The following DIS3L variants were observed in gnomAD, a reference collection of about 807,000 sequenced individuals.
The protein encoded by DIS3L is DIS3 like exosome 3'-5' exoribonuclease.
Under a neutral mutation model 120.3 loss-of-function variants are expected in DIS3L, and 100 were observed. That is an observed-to-expected ratio of 0.83 (90% confidence interval 0.71 to 0.98). The LOEUF (loss-of-function observed/expected upper bound fraction) is 0.98, where lower values mean the gene tolerates loss of function less well. Among genes scored for constraint, DIS3L ranks in the 50% least tolerant of loss-of-function variants. The pLI, the probability that DIS3L is intolerant of heterozygous loss-of-function variation, is 0.00. For missense variants in DIS3L, 1,196 were observed against 1,314.2 expected (o/e 0.91, Z 1.39); for synonymous variants, 426 against 470.6 (o/e 0.91, Z 1.23).
chr15:66,330,625 T>C (rs1000574112), intron 14 of DIS3L: 2 of 786,280 alleles, frequency 2.5e-6, no homozygotes, highest in Non-Finnish European at 3.1e-6. Flanking sequence ...GGCCAGTGTC[T>C]CAGTCACACT....
In DIS3L at chr15:66,295,156, T is replaced by G. The variant is rs1278269793; in HGVS notation, c.293+15T>G. On this transcript the variant is annotated intron_variant, in intron 2 of 16. Transcript: ENST00000319212. ...AGAGGCAGGAGGTATACGTTTTGCA[T>G]TCTTTATTTCTATATGGCATAGGTT... The G allele has an allele frequency of 6.2e-7, 1 of 1,609,790 alleles. No homozygotes were observed. Among genetic ancestry groups the G allele is most frequent in the South Asian group, 1.1e-5 (1 of 90,798 alleles).
chr15:66,306,461 T>C (rs761078548), intron 2 of DIS3L, among the ~76,000 whole-genome samples: 6 of 152,226 alleles, frequency 3.9e-5, no homozygotes, highest in Non-Finnish European at 7.3e-5. Context: ...AATAAAGTGC[T>C]AAACTCTCTG....
chr15:66,327,869 T>C (rs968945456), intron 12 of DIS3L, among the ~76,000 whole-genome samples: 4 of 152,162 alleles, frequency 2.6e-5, no homozygotes, highest in Non-Finnish European at 5.9e-5. Context: ...AAGACCAGCC[T>C]TGCCAACATG....
intron 14 of DIS3L, among the ~76,000 whole-genome samples, chr15:66,331,090 G>A (rs1395414516): frequency 1.3e-5 from 2 of 152,224 alleles, no homozygotes; most frequent in East Asian, 3.9e-4. Context: ...GGGAGGCAGA[G>A]GTTGCAGGGA....
intron 6 of DIS3L, among the ~76,000 whole-genome samples, chr15:66,314,615 T>C (rs895395791): frequency 1.1e-4 from 17 of 152,222 alleles, no homozygotes; most frequent in African/African-American, 4.1e-4. Context: ...ACTGGCTTTC[T>C]TCGGGCCCTT....
chr15:66,294,185 C>G, intron 1 of DIS3L: 1 of 985,512 alleles, frequency 1.0e-6, no homozygotes, highest in East Asian at 1.1e-4. Context: ...GTTTCCTGAC[C>G]TGCCCGCACT....
At chr15:66,294,128 C>T in intron 1 of DIS3L, 1 of 985,658 alleles carries the variant, frequency 1.0e-6, no homozygotes, top group Non-Finnish European at 1.2e-6. Context: ...AGCTACAGGC[C>T]AGCTGCTGCC....
chr15:66,329,387 C>A lies in DIS3L; in HGVS notation c.2523C>A (p.Asn841Lys), dbSNP rs368739787. The A allele has an allele frequency of 6.3e-7, 1 of 1,598,402 alleles. No homozygotes were observed. The highest frequency in any genetic ancestry group is 1.7e-4 in the Middle Eastern group (1 of 5,954). Residue 841 changes from asparagine to lysine, a missense_variant, in exon 14 of 17, where the codon AAC becomes AAA. Transcript: ENST00000319212. Reference sequence around the variant, plus strand: ...TTGAGGAATTATGCAGACATATCAACAACAGAAACCAAGTAAGAGGGAATT... The same window carrying A: ...TTGAGGAATTATGCAGACATATCAAAAACAGAAACCAAGTAAGAGGGAATT... Reference protein sequence around the residue: ...KDLEELCRHINNRNQAAQHSQ... With the variant: ...KDLEELCRHIKNRNQAAQHSQ...
intron 16 of DIS3L, 22 bp from the exon 17 acceptor site, chr15:66,332,982 T>C (rs766033125): frequency 5.6e-6 from 9 of 1,594,738 alleles, no homozygotes; most frequent in African/African-American, 1.4e-5. Flanking sequence ...TTTAGTAATA[T>C]GTATTTTCTT....
At chr15:66,315,664 A>C (rs1211405923) in intron 7 of DIS3L, among the ~76,000 whole-genome samples, 1 of 152,194 alleles carries the variant, frequency 6.6e-6, no homozygotes, top group African/African-American at 2.4e-5. Flanking sequence ...CTTCCATCTT[A>C]AAATCAAACC....
At chr15:66,294,851 A>G (rs2092568176) in intron 1 of DIS3L, 137 bp from the exon 2 acceptor site, 1 of 925,502 alleles carries the variant, frequency 1.1e-6, no homozygotes. Flanking sequence ...GCCTCTACCA[A>G]AGTAGATTTG....
chr15:66,332,760 T>C lies in DIS3L; in HGVS notation c.2706T>C (p.Tyr902=). ...GGTTTGGGATTAAAGGTGCTGCTTATCTAAAAAATAAAGATGGTTTAGTCA... is the reference window on the plus strand; with the variant it reads ...GGTTTGGGATTAAAGGTGCTGCTTACCTAAAAAATAAAGATGGTTTAGTCA... ...IPRFGIKGAA[Y]LKNKDGLVIS... is the part of the protein sequence containing the mutation. Residue 902 remains tyrosine (Y), a synonymous_variant, in exon 16 of 17, where the codon TAT becomes TAC. Coordinates refer to ENST00000319212, the MANE Select transcript of DIS3L (RefSeq NM_001143688.3). 1 of 1,613,038 alleles carries C rather than the reference T, an allele frequency of 6.2e-7. No homozygotes were observed. The highest frequency in any genetic ancestry group is 8.5e-7 in the Non-Finnish European group (1 of 1,179,610).
rs6494565 is a variant in DIS3L at position 66,323,424 on chromosome 15, G to T, written c.1575-69G>T. 1.8e-5 allele frequency: 27 copies of T among 1,524,246 alleles called. No individual in the cohort carries two copies. In the South Asian group the frequency reaches 3.0e-4, roughly 17 times the overall value. The allele number at this position is 1,524,246 out of a possible 1,614,324, so 94.4% of individuals were successfully genotyped here. On this transcript the variant is annotated intron_variant, in intron 10 of 16. Coordinates refer to ENST00000319212, the MANE Select transcript of DIS3L (RefSeq NM_001143688.3). ...AGATTTTGGCCATTTACCTCCCTGC[G>T]GCCCACACAGTCAGCAGTTCTGCTT... is the stretch of plus-strand genomic sequence containing the variant.
intron 2 of DIS3L, among the ~76,000 whole-genome samples, chr15:66,299,237 A>T (rs771270245): frequency 1.3e-5 from 2 of 152,164 alleles, no homozygotes; most frequent in Non-Finnish European, 2.9e-5. Context: ...ATGGGATAAC[A>T]TGATCAGATT....
intron 7 of DIS3L, 115 bp from the exon 8 acceptor site, chr15:66,318,334 G>T: frequency 4.1e-6 from 5 of 1,219,862 alleles, no homozygotes; most frequent in Non-Finnish European, 5.6e-6. Flanking sequence ...GGATGTGCTT[G>T]AAAAAAAATA....
chr15:66,295,199 G>T, intron 2 of DIS3L, 58 bp downstream of exon 2: 2 of 1,529,020 alleles, frequency 1.3e-6, no homozygotes, highest in Non-Finnish European at 1.8e-6. Context: ...CCTTAGAAAA[G>T]GTCCCTTGTC....
intron 12 of DIS3L, 43 bp downstream of exon 12, chr15:66,326,407 G>A: frequency 6.4e-7 from 1 of 1,565,052 alleles, no homozygotes; most frequent in South Asian, 1.2e-5. Context: ...GTGGCATGCT[G>A]TATATTTAGT....
At chr15:66,295,640 C>G (rs1043853075) in intron 2 of DIS3L, among the ~76,000 whole-genome samples, 1 of 152,178 alleles carries the variant, frequency 6.6e-6, no homozygotes, top group Non-Finnish European at 1.5e-5. Context: ...ACTAGTGTAA[C>G]TACCAGCCAT....
intron 5 of DIS3L, 77 bp from the exon 6 acceptor site, chr15:66,313,962 T>A: frequency 1.6e-6 from 2 of 1,287,986 alleles, no homozygotes; most frequent in Non-Finnish European, 2.1e-6. Context: ...CACATAATTT[T>A]AAAAACTGGA....
Sources: allele counts gnomAD v4.1 joint callset (sites outside exome capture counted in the v4.1 genomes callset), GRCh38; gene constraint gnomAD v4.1.1; transcripts MANE v1.5; gene names NCBI Gene and HGNC (gene_info 2026-07-23, HGNC 2026-07-21).